Variants in GPBP1 observed in about 807,000 individuals in gnomAD.
The protein encoded by GPBP1 is vasculin.
GPBP1 carries 13 observed loss-of-function variants against 56.5 expected under a neutral mutation model. The ratio of observed to expected loss-of-function variants is 0.23; its 90% CI spans 0.15 to 0.37. GPBP1 has a LOEUF of 0.37. Among genes scored for constraint, GPBP1 ranks in the 10% least tolerant of loss-of-function variants. The pLI is 1.00. For synonymous variants in GPBP1, 204 were observed against 188.9 expected, an observed-to-expected ratio of 1.08 and a Z score of -0.66; for missense variants, 477 against 572.3, an observed-to-expected ratio of 0.83 and a Z score of 1.70.
chr5:57,226,689 T>A (rs990218644), intron 3 of GPBP1, among the ~76,000 whole-genome samples: 2 of 148,908 alleles, frequency 1.3e-5, no homozygotes, highest in Admixed American at 6.7e-5. Flanking sequence ...GTCACTGGGA[T>A]TACAGGTGTG....
In GPBP1 at chr5:57,183,211, C is replaced by A. The variant is rs372433593; in HGVS notation, c.-58+6811C>A. ...CGAAACCCCGTCTCTAATAAAAATA[C>A]AAAAAATTAGCTGGGCGTGGTGGCA... On this transcript the variant is annotated intron_variant, in intron 2 of 11. Transcript: ENST00000506184. Among the ~76,000 whole-genome samples, 32 of 151,804 alleles carry A rather than the reference C, an allele frequency of 2.1e-4. 1 individual carries two copies. Among genetic ancestry groups the A allele is most frequent in the East Asian group, 1.8e-3 (9 of 5,140 alleles).
chr5:57,237,129 A>G (rs2111881719), intron 6 of GPBP1: 1 of 1,549,636 alleles, frequency 6.5e-7, no homozygotes, highest in Non-Finnish European at 8.7e-7. Context: ...ACGCCCAGAC[A>G]CACACATACC....
chr5:57,237,691 C>G (rs750247568), intron 6 of GPBP1, among the ~76,000 whole-genome samples: 7 of 152,120 alleles, frequency 4.6e-5, no homozygotes, highest in Admixed American at 3.3e-4. Flanking sequence ...CACTTTCCCC[C>G]CTGGGTTCCC....
At position 57,258,282 on chromosome 5, in the gene GPBP1, T is replaced by G. The variant is rs952930851; in HGVS notation, c.1161-2898T>G. Among the ~76,000 whole-genome samples, 14 of 152,210 alleles carry G rather than the reference T, an allele frequency of 9.2e-5. 1 individual carries two copies. The highest frequency in any genetic ancestry group is 1.7e-4 in the African/African-American group (7 of 41,448). ...TGCATTGCTTAATGACAGGGATATATTCTGAGAAACGTGTCGTTAGGTGAT... is the reference window on the plus strand; with the variant it reads ...TGCATTGCTTAATGACAGGGATATAGTCTGAGAAACGTGTCGTTAGGTGAT... On this transcript the variant is annotated intron_variant, in intron 10 of 11. Coordinates refer to ENST00000506184, the MANE Select transcript of GPBP1 (RefSeq NM_022913.4).
intron 10 of GPBP1, 128 bp from the exon 11 acceptor site, chr5:57,261,052 C>T (rs1004544431): frequency 3.7e-6 from 2 of 534,096 alleles, no homozygotes; most frequent in Non-Finnish European, 6.8e-6. Flanking sequence ...CTCAAAAATC[C>T]TTTTGATGTG....
intron 2 of GPBP1, among the ~76,000 whole-genome samples, chr5:57,211,031 A>T (rs1192759926): frequency 6.6e-6 from 1 of 152,214 alleles, no homozygotes; most frequent in Admixed American, 6.5e-5. Flanking sequence ...CCCATAACAT[A>T]CACAGGGAAA....
intron 6 of GPBP1, among the ~76,000 whole-genome samples, chr5:57,236,818 C>T (rs1756681369): frequency 6.6e-6 from 1 of 152,102 alleles, no homozygotes; most frequent in African/African-American, 2.4e-5. Context: ...AACTTAAACA[C>T]ATGTTCATTT....
intron 10 of GPBP1, among the ~76,000 whole-genome samples, chr5:57,255,260 C>T (rs1404760038): frequency 6.6e-6 from 1 of 151,990 alleles, no homozygotes. Flanking sequence ...CTTTCCTTTC[C>T]TCTTCCCCCT....
intron 6 of GPBP1, among the ~76,000 whole-genome samples, chr5:57,236,370 G>T (rs1002967858): frequency 1.3e-5 from 2 of 152,198 alleles, no homozygotes; most frequent in African/African-American, 4.8e-5. Flanking sequence ...TTAATTTTTA[G>T]TTGTTCAAAG....
At chr5:57,238,433 C>T (rs1275278258) in intron 6 of GPBP1, among the ~76,000 whole-genome samples, 1 of 152,150 alleles carries the variant, frequency 6.6e-6, no homozygotes, top group Non-Finnish European at 1.5e-5. Flanking sequence ...TGGCGCATGC[C>T]TGTAATCCTA....
chr5:57,260,564 G>A lies in GPBP1; in HGVS notation c.1161-616G>A, dbSNP rs73129926. ...TGTTGAAACATGTTATCACAAGTTA[G>A]CACAAGTTTATTTTGGTGCAGAATT... On this transcript the variant is annotated intron_variant, in intron 10 of 11. Transcript: ENST00000506184. 4.7e-3 allele frequency among the ~76,000 whole-genome samples: 714 copies of A among 152,258 alleles called. 2 individuals carry two copies. The highest frequency in any genetic ancestry group is 0.016 in the African/African-American group (684 of 41,562).
intron 3 of GPBP1, among the ~76,000 whole-genome samples, chr5:57,219,810 T>A (rs1403830189): frequency 1.3e-5 from 2 of 152,098 alleles, no homozygotes; most frequent in East Asian, 3.9e-4. Flanking sequence ...CCCAGCACTT[T>A]GGGAGGCCGA....
At chr5:57,177,797 G>A (rs560462029) in intron 2 of GPBP1, among the ~76,000 whole-genome samples, 32 of 151,288 alleles carry the variant, frequency 2.1e-4, no homozygotes, top group Non-Finnish European at 3.8e-4. Flanking sequence ...CCACGCGCCC[G>A]GCTGAGATTG....
At chr5:57,191,560 T>G (rs1402600623) in intron 2 of GPBP1, among the ~76,000 whole-genome samples, 1 of 12,720 alleles carries the variant, frequency 7.9e-5, no homozygotes, top group Non-Finnish European at 2.2e-4. Context: ...ATCTTTAGGT[T>G]TTTTTTTTTT....
intron 9 of GPBP1, 26 bp from the exon 10 acceptor site, chr5:57,250,922 CTTTTTT>C: frequency 8.5e-7 from 1 of 1,172,704 alleles, no homozygotes; most frequent in Non-Finnish European, 1.2e-6. Flanking sequence ...AGAACTCATT[CTTTTTT>C]TTTTTTTTAA....
At chr5:57,197,293 G>T (rs899044818) in intron 2 of GPBP1, among the ~76,000 whole-genome samples, 3 of 151,282 alleles carry the variant, frequency 2.0e-5, no homozygotes, top group African/African-American at 7.3e-5. Context: ...TTATTTCCAT[G>T]CTCAGAGCAG....
rs546036246 is a variant in GPBP1, at chr5:57,247,239, G to A, written c.804+24G>A. On this transcript the variant is annotated intron_variant, in intron 8 of 11. Transcript: ENST00000506184. ...AGGTATGACATTAAAAATCACACTTGAGGAATGTAACATTTTAATTATGAT... is the reference window on the plus strand; with the variant it reads ...AGGTATGACATTAAAAATCACACTTAAGGAATGTAACATTTTAATTATGAT... The A allele has an allele frequency of 1.9e-6, 3 of 1,576,462 alleles. No individual in the cohort carries two copies. In the African/African-American group the frequency reaches 4.1e-5, roughly 21 times the overall value.
chr5:57,214,708 T>C (rs114724909), intron 3 of GPBP1, among the ~76,000 whole-genome samples: 4,576 of 152,304 alleles, frequency 0.03, 153 homozygotes, highest in East Asian at 0.13. Context: ...TAGGCTGGAT[T>C]GCAGTGGCAT....
rs150530744 is a variant in GPBP1 at position 57,181,653 on chromosome 5, C to T, written c.-58+5253C>T. Among the ~76,000 whole-genome samples, 127 of 152,084 alleles carry T rather than the reference C, an allele frequency of 8.4e-4. 1 individual carries two copies. The highest frequency in any genetic ancestry group is 4.1e-3 in the Admixed American group (62 of 15,264). ...AATACATCTCTTTTCAAACTCCTGA[C>T]CTCAGGTGTTCTACCCACCTCGGCC... On this transcript the variant is annotated intron_variant, in intron 2 of 11. Transcript: ENST00000506184.
Sources: allele counts gnomAD v4.1 joint callset (sites outside exome capture counted in the v4.1 genomes callset), GRCh38; gene constraint gnomAD v4.1.1; transcripts MANE v1.5; gene names NCBI Gene and HGNC (gene_info 2026-07-23, HGNC 2026-07-21).